Variants in MTRF1L observed in about 807,000 individuals in gnomAD.
MTRF1L encodes mitochondrial translation release factor 1 like, also known as peptide chain release factor 1-like, mitochondrial.
In MTRF1L, 29 loss-of-function variants were observed where a neutral mutation model predicts 40.0. The observed-to-expected ratio is 0.73, with a 90% CI of 0.54 to 0.99. The LOEUF (loss-of-function observed/expected upper bound fraction) is 0.99, where lower values mean the gene tolerates loss of function less well. MTRF1L is among the 50% of genes least tolerant of loss of function. The pLI is 0.00. For missense variants in MTRF1L, 412 were observed against 464.5 expected (o/e 0.89, Z 1.04); for synonymous variants, 150 against 175.8 (o/e 0.85, Z 1.16).
At chr6:152,996,122 T>G (rs1778706344) in intron 2 of MTRF1L, among the ~76,000 whole-genome samples, 1 of 152,228 alleles carries the variant, frequency 6.6e-6, no homozygotes, top group African/African-American at 2.4e-5. Flanking sequence ...GTAAGTATTA[T>G]TAACAGTTCT....
chr6:152,992,298 G>A (rs919324260), intron 5 of MTRF1L, among the ~76,000 whole-genome samples: 25 of 152,124 alleles, frequency 1.6e-4, no homozygotes, highest in Admixed American at 9.8e-4. Flanking sequence ...CGTTTAGTTC[G>A]AGCTACAGTA....
At chr6:152,994,460 G>T in intron 4 of MTRF1L, 53 bp downstream of exon 4, 1 of 1,502,212 alleles carries the variant, frequency 6.7e-7, no homozygotes, top group South Asian at 1.4e-5. Flanking sequence ...TAACTCTGGG[G>T]ACAAGGCACT....
At chr6:152,998,424 A>G in intron 2 of MTRF1L, 126 bp downstream of exon 2, 1 of 617,530 alleles carries the variant, frequency 1.6e-6, no homozygotes, top group Non-Finnish European at 2.5e-6. Context: ...AAATCTAGAA[A>G]ATAAATTTAA....
At chr6:152,991,424 AG>A in intron 5 of MTRF1L, 103 bp from the exon 6 acceptor site, 1 of 1,316,564 alleles carries the variant, frequency 7.6e-7, no homozygotes. Context: ...TTCCTTTATG[AG>A]GGGAAAAAAC....
intron 1 of MTRF1L, among the ~76,000 whole-genome samples, chr6:152,999,940 GAAAA>G (rs1186893025): frequency 6.6e-6 from 1 of 152,052 alleles, no homozygotes; most frequent in Admixed American, 6.5e-5. Flanking sequence ...GCAGAAAAAG[GAAAA>G]AAAGATTAAC....
intron 1 of MTRF1L, among the ~76,000 whole-genome samples, chr6:152,999,064 A>G (rs1340314800): frequency 1.3e-5 from 2 of 152,148 alleles, no homozygotes; most frequent in African/African-American, 4.8e-5. Context: ...AAAAGTAGAA[A>G]TTTATTCTCT....
At chr6:152,994,758 G>T in intron 3 of MTRF1L, 82 bp from the exon 4 acceptor site, 1 of 1,529,016 alleles carries the variant, frequency 6.5e-7, no homozygotes. Context: ...CTATCTTGAG[G>T]TATATTTTTA....
chr6:153,000,810 A>C (rs1394084758), intron 1 of MTRF1L, among the ~76,000 whole-genome samples: 1 of 151,856 alleles, frequency 6.6e-6, no homozygotes, highest in Non-Finnish European at 1.5e-5. Context: ...AAATCTAAAG[A>C]CTTATTTCAG....
At chr6:152,990,210 C>T (rs1462168236) in intron 6 of MTRF1L, 115 bp from the exon 7 acceptor site, 3 of 1,396,728 alleles carry the variant, frequency 2.1e-6, no homozygotes, top group Admixed American at 5.4e-5. Flanking sequence ...AATGCGAGAA[C>T]CAGGTTTTAA....
At position 153,002,530 on chromosome 6, in the gene MTRF1L, C is replaced by T; in HGVS notation, c.156G>A (p.Gly52=). 12 of 1,607,662 alleles carry T rather than the reference C, an allele frequency of 7.5e-6. No individual in the cohort carries two copies. The highest frequency in any genetic ancestry group is 1.1e-5 in the South Asian group (1 of 90,442). Residue 52 remains glycine (G), a synonymous_variant, in exon 1 of 7, where the codon GGG becomes GGA. Coordinates refer to ENST00000367233, the MANE Select transcript of MTRF1L (RefSeq NM_019041.7). ...TCCTGACCTTCAAATGGGCTTCAGA[C>T]CCCGCCTGGCGCTCGAGGAAGGTCC... ...PLRTFLERQA[G]SEAHLKVRRP...
At chr6:152,990,912 G>A (rs1035131288) in intron 6 of MTRF1L, among the ~76,000 whole-genome samples, 4 of 152,048 alleles carry the variant, frequency 2.6e-5, no homozygotes, top group Admixed American at 6.5e-5. Context: ...ACTTTCTTGC[G>A]TAATTAAAAT....
intron 2 of MTRF1L, among the ~76,000 whole-genome samples, chr6:152,996,927 C>T (rs1663483644): frequency 6.6e-6 from 1 of 152,106 alleles, no homozygotes; most frequent in African/African-American, 2.4e-5. Context: ...AAAATAAACT[C>T]GTGCTAACTT....
At chr6:152,991,597 A>T (rs1410248775) in intron 5 of MTRF1L, among the ~76,000 whole-genome samples, 3 of 152,164 alleles carry the variant, frequency 2.0e-5, no homozygotes, top group African/African-American at 7.2e-5. Flanking sequence ...CCCAGGCTGG[A>T]GTGCAGTGGC....
At chr6:152,994,711 A>T (rs771812929) in intron 3 of MTRF1L, 35 bp from the exon 4 acceptor site, 12 of 1,609,948 alleles carry the variant, frequency 7.5e-6, no homozygotes, top group African/African-American at 2.7e-5. Flanking sequence ...TATTTTTATT[A>T]TTCCTGCCAT....
rs1431689764 is a variant in MTRF1L at position 152,991,713 on chromosome 6, A to AT, written c.806-393dup. On this transcript the variant is annotated intron_variant, in intron 5 of 6. Transcript: ENST00000367233. ...AGGTGCCCGCCATCACGCCCGGCTA[A>AT]TTTTTTTTTGTATTTTTAGTAGAGA... Among the ~76,000 whole-genome samples the AT allele has an allele frequency of 9.5e-4, 144 of 151,242 alleles. 1 individual carries two copies. Among genetic ancestry groups the AT allele is most frequent in the Admixed American group, 7.6e-3 (115 of 15,224 alleles).
intron 6 of MTRF1L, 120 bp from the exon 7 acceptor site, chr6:152,990,215 T>G: frequency 7.6e-7 from 1 of 1,321,220 alleles, no homozygotes; most frequent in Admixed American, 2.8e-5. Flanking sequence ...GAGAACCAGG[T>G]TTTAAACACT....
rs770668095 is a variant in MTRF1L, at chr6:152,989,870, G to C, written c.*25C>G. ...GTACTGTAGAATTTTTCTAAGCTAC[G>C]AAAGTCTATAAATAACAAATCAACT... On this transcript the variant is annotated 3_prime_UTR_variant, in exon 7 of 7. Transcript: ENST00000367233. 6.3e-7 allele frequency: 1 copy of C among 1,577,414 alleles called. No homozygotes were observed. The highest frequency in any genetic ancestry group is 1.9e-5 in the Admixed American group (1 of 52,814).
Position 152,988,065 on chromosome 6 carries a change from G to A in MTRF1L, c.*1830C>T. Reference sequence around the variant, plus strand: ...TGTGCTGCTATAACAGAATACAGGAGACTGGGTAATTTGTAAGGAACAGAA... The same window carrying A: ...TGTGCTGCTATAACAGAATACAGGAAACTGGGTAATTTGTAAGGAACAGAA... On this transcript the variant is annotated 3_prime_UTR_variant, in exon 7 of 7. Transcript: ENST00000367233. 3.9e-5 allele frequency: 1 copy of A among 25,424 alleles called. No homozygotes were observed. Among genetic ancestry groups the A allele is most frequent in the Non-Finnish European group, 6.0e-5 (1 of 16,806 alleles). 1.6% of individuals were successfully genotyped at this position (25,424 alleles called of 1,614,324 possible). A position where few individuals can be genotyped will look rare whatever the true frequency, so the allele number is the denominator to read the frequency against.
intron 1 of MTRF1L, among the ~76,000 whole-genome samples, chr6:152,999,176 C>G (rs1033715719): frequency 6.6e-6 from 1 of 152,210 alleles, no homozygotes; most frequent in African/African-American, 2.4e-5. Flanking sequence ...TCCTCTGTCT[C>G]TCTCTCTGGC....
Sources: gnomAD v4.1 joint callset for allele counts (sites outside exome capture counted in the v4.1 genomes callset) on GRCh38, gnomAD v4.1.1 for gene constraint, MANE v1.5 for transcripts, NCBI Gene and HGNC (gene_info 2026-07-23, HGNC 2026-07-21) for gene names.